Variants in GRID2 observed in about 807,000 individuals in gnomAD.
The protein encoded by GRID2 is glutamate ionotropic receptor delta type subunit 2, also known as glutamate receptor ionotropic, delta-2.
In GRID2, 33 loss-of-function variants were observed where a neutral mutation model predicts 114.8. The observed-to-expected ratio is 0.29, with a 90% CI of 0.22 to 0.38. GRID2 has a LOEUF of 0.38. Ranked by LOEUF, GRID2 falls within the 10% of genes least tolerant of loss-of-function variation. The pLI, the probability that GRID2 is intolerant of heterozygous loss-of-function variation, is 1.00. For synonymous variants in GRID2, 505 were observed against 449.9 expected (o/e 1.12, Z -1.55); for missense variants, 1,184 against 1,257.7 (o/e 0.94, Z 0.89).
intron 8 of GRID2, among the ~76,000 whole-genome samples, chr4:93,261,045 C>T (rs1750196803): frequency 6.6e-6 from 1 of 151,596 alleles, no homozygotes; most frequent in South Asian, 2.1e-4. Flanking sequence ...ATCATAGTTC[C>T]CTGGGACTGA....
In GRID2 at chr4:93,127,127, G is replaced by A. The variant is rs1579063651; in HGVS notation, c.735+16174G>A. Among the ~76,000 whole-genome samples, 3 of 152,090 alleles carry A rather than the reference G, an allele frequency of 2.0e-5. No individual in the cohort carries two copies. The South Asian group carries it at 6.2e-4, about 31-fold the overall frequency. ...AAAAATTTTGTAAAATGATGTATAA[G>A]CATTTGTCTATCTTAATTAGGTAGA... On this transcript the variant is annotated intron_variant, in intron 4 of 15. Coordinates refer to ENST00000282020, the MANE Select transcript of GRID2 (RefSeq NM_001510.4).
chr4:93,626,088 G>A (rs534214675), intron 13 of GRID2, among the ~76,000 whole-genome samples, 181 bp from the exon 14 acceptor site: 1 of 152,200 alleles, frequency 6.6e-6, no homozygotes, highest in South Asian at 2.1e-4. Context: ...AGCATCCCTG[G>A]ATTTTGGTAT....
rs1404694476 is a variant in GRID2 at position 93,251,421 on chromosome 4, A to G, written c.1245+12931A>G. Among the ~76,000 whole-genome samples the G allele has an allele frequency of 3.3e-5, 5 of 152,224 alleles. No individual in the cohort carries two copies. In the East Asian group the frequency reaches 9.6e-4, roughly 29 times the overall value. ...GATATGATCTATAACACTAGGTTAT[A>G]AAATTCATTTTAAGCAGAGCTTATT... is the stretch of plus-strand genomic sequence containing the variant. On this transcript the variant is annotated intron_variant, in intron 8 of 15. Coordinates refer to ENST00000282020, the MANE Select transcript of GRID2 (RefSeq NM_001510.4).
At chr4:92,583,911 A>T (rs980000279) in intron 1 of GRID2, among the ~76,000 whole-genome samples, 1 of 128,988 alleles carries the variant, frequency 7.8e-6, no homozygotes, top group Non-Finnish European at 1.6e-5. Context: ...ATATATTTAT[A>T]TACACATATA....
intron 8 of GRID2, among the ~76,000 whole-genome samples, chr4:93,352,340 A>G (rs1760886118): frequency 6.6e-6 from 1 of 152,038 alleles, no homozygotes; most frequent in African/African-American, 2.4e-5. Flanking sequence ...TTAAAGAAGG[A>G]AAAGTACCAG....
At chr4:92,382,317 G>T (rs748606694) in intron 1 of GRID2, among the ~76,000 whole-genome samples, 1 of 152,036 alleles carries the variant, frequency 6.6e-6, no homozygotes, top group Admixed American at 6.6e-5. Context: ...GGGTGTGCTT[G>T]TTGGATAGCT....
intron 9 of GRID2, among the ~76,000 whole-genome samples, chr4:93,411,888 T>G (rs896836092): frequency 6.6e-6 from 1 of 151,554 alleles, no homozygotes; most frequent in African/African-American, 2.4e-5. Flanking sequence ...TTCCCTGAAC[T>G]ATGTTGAAAT....
chr4:93,675,775 C>A (rs1724798831), intron 14 of GRID2, among the ~76,000 whole-genome samples: 1 of 152,106 alleles, frequency 6.6e-6, no homozygotes, highest in Non-Finnish European at 1.5e-5. Flanking sequence ...TACTAAGCTT[C>A]TGTTTTATTT....
At chr4:92,739,930 A>G (rs1169863540) in intron 2 of GRID2, among the ~76,000 whole-genome samples, 1 of 152,156 alleles carries the variant, frequency 6.6e-6, no homozygotes, top group Non-Finnish European at 1.5e-5. Flanking sequence ...ATTACCTTCC[A>G]TAATATTTTT....
intron 1 of GRID2, among the ~76,000 whole-genome samples, chr4:92,449,712 A>ATATATATATATATAT (rs1383896886): frequency 3.0e-5 from 2 of 67,680 alleles, no homozygotes; most frequent in South Asian, 4.8e-4. Flanking sequence ...TATATATATA[A>ATATATATATATATAT]CACTTAAGCC....
intron 13 of GRID2, among the ~76,000 whole-genome samples, chr4:93,619,249 T>C (rs1741990984): frequency 6.6e-6 from 1 of 152,238 alleles, no homozygotes; most frequent in Non-Finnish European, 1.5e-5. Context: ...AGTTTGATCA[T>C]GATTTATTGT....
chr4:93,455,948 T>C lies in GRID2; in HGVS notation c.1832T>C (p.Phe611Ser), dbSNP rs746717570. The change falls in exon 11 of 16, where the codon TTT becomes TCT. Residue 611 changes from phenylalanine to serine, a missense_variant. By Grantham distance (155) the Phe-to-Ser change is radical. This residue lies in a region of GRID2 where 717 missense variants were observed against 796.9 expected (regional missense o/e 0.90). Transcript: ENST00000282020. ...TSTTLYNSMW[F>S]VYGSFVQQGG... The stretch of plus-strand genomic sequence containing the variant: ...ACTACTCTCTACAACTCCATGTGGT[T>C]TGTGTATGGATCTTTTGTACAACAA... 2 of 1,605,550 alleles carry C rather than the reference T, an allele frequency of 1.2e-6. No individual in the cohort carries two copies. Among genetic ancestry groups the C allele is most frequent in the South Asian group, 1.1e-5 (1 of 90,934 alleles).
chr4:93,285,346 TC>T (rs1394023538), intron 8 of GRID2, among the ~76,000 whole-genome samples: 1 of 152,098 alleles, frequency 6.6e-6, no homozygotes, highest in Admixed American at 6.6e-5. Flanking sequence ...TATAGGTACT[TC>T]TTGTTATTTT....
chr4:92,318,507 C>CTTTTT (rs34235006), intron 1 of GRID2, among the ~76,000 whole-genome samples: 11 of 64,408 alleles, frequency 1.7e-4, no homozygotes, highest in Admixed American at 2.6e-4. Context: ...TATGCCAGGA[C>CTTTTT]TTTTTTTTTT....
intron 1 of GRID2, among the ~76,000 whole-genome samples, chr4:92,445,040 C>A (rs1477883437): frequency 6.6e-6 from 1 of 151,932 alleles, no homozygotes; most frequent in African/African-American, 2.4e-5. Flanking sequence ...TGTATCTGGA[C>A]TTTAGCGAGT....
chr4:92,830,543 T>G (rs1742034362), intron 2 of GRID2, among the ~76,000 whole-genome samples: 1 of 152,146 alleles, frequency 6.6e-6, no homozygotes, highest in African/African-American at 2.4e-5. Flanking sequence ...CTATTATTAT[T>G]ATTTTAGTAC....
intron 1 of GRID2, among the ~76,000 whole-genome samples, chr4:92,499,287 C>A (rs189082277): frequency 1.3e-5 from 2 of 152,054 alleles, no homozygotes; most frequent in African/African-American, 4.8e-5. Context: ...TCCTGCCCTA[C>A]CAAAACTTTG....
chr4:92,339,335 G>C (rs1482556125), intron 1 of GRID2, among the ~76,000 whole-genome samples: 3 of 152,084 alleles, frequency 2.0e-5, no homozygotes, highest in Non-Finnish European at 4.4e-5. Flanking sequence ...AAGAGGTTGA[G>C]AGAGCAGCTA....
At chr4:93,558,701 T>G (rs1025118070) in intron 13 of GRID2, among the ~76,000 whole-genome samples, 1 of 151,952 alleles carries the variant, frequency 6.6e-6, no homozygotes, top group African/African-American at 2.4e-5. Flanking sequence ...TTCCAAACAA[T>G]AGAAAACGAG....
Sources: allele counts gnomAD v4.1 joint callset (sites outside exome capture counted in the v4.1 genomes callset), GRCh38; gene constraint gnomAD v4.1.1; regional missense constraint gnomAD v4.1.1; transcripts MANE v1.5; gene names NCBI Gene and HGNC (gene_info 2026-07-23, HGNC 2026-07-21).